MREG: variants seen among roughly 807,000 people sequenced by gnomAD.
MREG encodes melanoregulin.
MREG carries 31 observed loss-of-function variants against 28.5 expected under a neutral mutation model. The ratio of observed to expected loss-of-function variants is 1.09; its 90% CI spans 0.82 to 1.47. The LOEUF is 1.47. MREG is among the 40% of genes most tolerant of loss of function. The pLI, the probability that MREG is intolerant of heterozygous loss-of-function variation, is 0.00. For synonymous variants in MREG, 106 were observed against 95.2 expected (o/e 1.11, Z -0.66); for missense variants, 256 against 257.4 (o/e 0.99, Z 0.04).
chr2:216,019,573 C>T (rs1367863468), intron 1 of MREG, among the ~76,000 whole-genome samples: 2 of 151,088 alleles, frequency 1.3e-5, no homozygotes, highest in East Asian at 2.0e-4. Context: ...GACGCAATCT[C>T]GGCTCACTGC....
chr2:216,003,167 C>T (rs1694062541), intron 1 of MREG, among the ~76,000 whole-genome samples: 1 of 151,862 alleles, frequency 6.6e-6, no homozygotes, highest in African/African-American at 2.4e-5. Context: ...TCCATTAGTT[C>T]CAGCGCTTTC....
At chr2:215,951,118 T>C (rs376227899) in intron 2 of MREG, among the ~76,000 whole-genome samples, 3 of 152,192 alleles carry the variant, frequency 2.0e-5, no homozygotes, top group African/African-American at 7.2e-5. Flanking sequence ...CCATGCTTCC[T>C]GTACAGCCTG....
chr2:216,031,043 G>T (rs1694680697), intron 1 of MREG, among the ~76,000 whole-genome samples: 1 of 150,180 alleles, frequency 6.7e-6, no homozygotes, highest in Non-Finnish European at 1.5e-5. Flanking sequence ...CAAAACATCT[G>T]CTCTGTATCT....
chr2:215,950,833 T>A (rs1692462167), intron 2 of MREG, among the ~76,000 whole-genome samples: 1 of 152,170 alleles, frequency 6.6e-6, no homozygotes, highest in East Asian at 1.9e-4. Flanking sequence ...CCAAATCTCA[T>A]GTCGAATTGT....
chr2:216,031,827 C>T (rs1023814998), intron 1 of MREG, among the ~76,000 whole-genome samples: 2 of 152,240 alleles, frequency 1.3e-5, no homozygotes, highest in Admixed American at 6.5e-5. Flanking sequence ...GATTCAATGT[C>T]TCACAGCTAA....
intron 1 of MREG, among the ~76,000 whole-genome samples, chr2:216,022,629 G>T (rs917777969): frequency 6.6e-6 from 1 of 152,092 alleles, no homozygotes; most frequent in African/African-American, 2.4e-5. Flanking sequence ...TCAATTCTCA[G>T]CCCCAGAGAT....
At chr2:215,959,221 T>G (rs1321469712) in intron 2 of MREG, among the ~76,000 whole-genome samples, 1 of 152,204 alleles carries the variant, frequency 6.6e-6, no homozygotes, top group Non-Finnish European at 1.5e-5. Flanking sequence ...TAGTGACTCC[T>G]AAGTCTCTTA....
chr2:215,939,633 A>G (rs1158178065), downstream of MREG: 1 of 152,208 alleles, frequency 6.6e-6, no homozygotes, highest in South Asian at 2.1e-4. Flanking sequence ...GGTTTGACAG[A>G]TTTTTAGTAT....
rs1692298421 is a variant in MREG at position 215,945,605 on chromosome 2, C to G, written c.476G>C (p.Ser159Thr). The change falls in exon 4 of 5, where the codon AGT (serine) becomes ACT (threonine). Residue 159 changes from serine (S) to threonine (T), a missense_variant. Ser to Thr is a moderately conservative substitution (Grantham distance 58). Transcript: ENST00000263268. ...LAEETNIFPT[S>T]WELSERYLFV... The stretch of plus-strand genomic sequence containing the variant: ...GAGATATCTCTCTGAGAGCTCCCAA[C>G]TTGTTGGGAAAATATTGGTTTCTTC... The G allele has an allele frequency of 6.2e-7, 1 of 1,613,966 alleles. No individual in the cohort carries two copies. The highest frequency in any genetic ancestry group is 8.5e-7 in the Non-Finnish European group (1 of 1,179,854).
chr2:215,982,851 T>C (rs1338322516), intron 2 of MREG, among the ~76,000 whole-genome samples: 2 of 152,182 alleles, frequency 1.3e-5, no homozygotes, highest in African/African-American at 4.8e-5. Flanking sequence ...GCCTCTTTCA[T>C]AGGGTTACCG....
At chr2:215,987,619 A>T (rs1260551793) in intron 2 of MREG, among the ~76,000 whole-genome samples, 5 of 152,080 alleles carry the variant, frequency 3.3e-5, no homozygotes, top group Non-Finnish European at 7.4e-5. Context: ...AGTGGCTCAC[A>T]TCTGTAATTC....
chr2:215,952,611 T>C (rs576269862), intron 2 of MREG, among the ~76,000 whole-genome samples: 1 of 152,276 alleles, frequency 6.6e-6, no homozygotes, highest in South Asian at 2.1e-4. Flanking sequence ...GTTCTAACAA[T>C]AATTTACATA....
At chr2:215,987,946 A>C (rs913660617) in intron 2 of MREG, among the ~76,000 whole-genome samples, 13 of 152,200 alleles carry the variant, frequency 8.5e-5, no homozygotes, top group Admixed American at 6.5e-5. Context: ...AAAAAGAAGA[A>C]GGAAGCACTA....
At chr2:215,958,032 C>T (rs573428237) in intron 2 of MREG, among the ~76,000 whole-genome samples, 1 of 149,886 alleles carries the variant, frequency 6.7e-6, no homozygotes, top group African/African-American at 2.5e-5. Flanking sequence ...CGCACGTTCT[C>T]ACTCGTAGGT....
chr2:215,944,629 AC>A lies in MREG; in HGVS notation c.*233del, dbSNP rs967222344. Reference sequence around the variant, plus strand: ...CCACCCATTATGAACTATCCATCTGACCAACTCTTTAACTTTCTTCCTAAAT... The same window carrying A: ...CCACCCATTATGAACTATCCATCTGACAACTCTTTAACTTTCTTCCTAAAT... On this transcript the variant is annotated 3_prime_UTR_variant, in exon 5 of 5. Transcript: ENST00000263268. 1.9e-5 allele frequency: 7 copies of A among 364,040 alleles called. No individual in the cohort carries two copies. The highest frequency in any genetic ancestry group is 3.5e-5 in the Non-Finnish European group (7 of 201,434). The allele number at this position is 364,040 out of a possible 1,614,324, so 22.6% of individuals were successfully genotyped here. A position where few individuals can be genotyped will look rare whatever the true frequency, so the allele number is the denominator to read the frequency against.
At chr2:216,020,170 C>T (rs1694500909) in intron 1 of MREG, among the ~76,000 whole-genome samples, 1 of 152,134 alleles carries the variant, frequency 6.6e-6, no homozygotes, top group Admixed American at 6.5e-5. Context: ...GCTATTATGA[C>T]CTTTATCTGC....
chr2:215,954,071 G>A (rs1692553503), intron 2 of MREG, among the ~76,000 whole-genome samples: 1 of 152,116 alleles, frequency 6.6e-6, no homozygotes, highest in Non-Finnish European at 1.5e-5. Context: ...TTACTTTATG[G>A]TGCCTCCCCT....
In MREG at chr2:215,944,948, C is replaced by T. The variant is rs764264847; in HGVS notation, c.560G>A (p.Arg187His). ...DAAEEFFKLA[R>H]RTYPKKPGVP... ...CCCAGGCTTCTTGGGGTAAGTTCGA[C>T]GAGCAAGCTTAAAGAACTCTTCTGC... Residue 187 changes from arginine to histidine, a missense_variant, in exon 5 of 5, where the codon CGT becomes CAT. By Grantham distance (29) the Arg-to-His change is conservative. Coordinates refer to ENST00000263268, the MANE Select transcript of MREG (RefSeq NM_018000.3). 47 of 1,607,300 alleles carry T rather than the reference C, an allele frequency of 2.9e-5. No individual in the cohort carries two copies. The highest frequency in any genetic ancestry group is 3.3e-4 in the Middle Eastern group (2 of 6,060).
chr2:215,983,635 T>A (rs1693487833), intron 2 of MREG, among the ~76,000 whole-genome samples: 1 of 152,226 alleles, frequency 6.6e-6, no homozygotes, highest in Non-Finnish European at 1.5e-5. Context: ...ATTTTTTGCT[T>A]TTATTTTTAG....
Sources: gnomAD v4.1 joint callset for allele counts (sites outside exome capture counted in the v4.1 genomes callset) on GRCh38, gnomAD v4.1.1 for gene constraint, MANE v1.5 for transcripts, NCBI Gene and HGNC (gene_info 2026-07-23, HGNC 2026-07-21) for gene names.